Variants in TBL1X observed in about 807,000 individuals in gnomAD.
TBL1X encodes the protein F-box-like/WD repeat-containing protein TBL1X.
A neutral mutation model predicts 50.7 loss-of-function variants in TBL1X; 10 were observed. The ratio of observed to expected loss-of-function variants is 0.20; its 90% CI spans 0.12 to 0.33. TBL1X has a LOEUF of 0.33. Among genes scored for constraint, TBL1X ranks in the 10% least tolerant of loss-of-function variants. TBL1X has a pLI of 1.00. For missense variants in TBL1X, 340 were observed against 504.4 expected (o/e 0.67, Z 3.12); for synonymous variants, 190 against 214.7 (o/e 0.88, Z 1.01).
chrX:9,647,084 C>G (rs1367634420), intron 3 of TBL1X, among the ~76,000 whole-genome samples: 1 of 111,824 alleles, frequency 8.9e-6, no homozygotes, highest in Non-Finnish European at 1.9e-5. Context: ...AGTGCTCTAA[C>G]TACATACTCA....
intron 2 of TBL1X, among the ~76,000 whole-genome samples, chrX:9,505,114 A>G (rs1314477101): frequency 8.9e-6 from 1 of 112,311 alleles, no homozygotes; most frequent in Non-Finnish European, 1.9e-5. Flanking sequence ...TGGACTTCTC[A>G]GCAGAAACTC....
intron 17 of TBL1X, among the ~76,000 whole-genome samples, 182 bp from the exon 18 acceptor site, chrX:9,716,038 C>T: frequency 8.9e-6 from 1 of 112,280 alleles, no homozygotes; most frequent in Non-Finnish European, 1.9e-5. Flanking sequence ...GGTCCGATGT[C>T]CAGATGCCAG....
chrX:9,573,020 T>A (rs2082393653), intron 2 of TBL1X, among the ~76,000 whole-genome samples: 1 of 112,844 alleles, frequency 8.9e-6, no homozygotes, highest in African/African-American at 3.2e-5. Context: ...AACACACAGC[T>A]GCTTTCTGTT....
intron 2 of TBL1X, among the ~76,000 whole-genome samples, chrX:9,556,354 A>G (rs926137834): frequency 1.8e-5 from 2 of 110,424 alleles, no homozygotes; most frequent in Non-Finnish European, 3.8e-5. Flanking sequence ...AACTACACAC[A>G]TTTACTATCT....
chrX:9,642,780 T>C (rs1601812140), intron 3 of TBL1X, among the ~76,000 whole-genome samples: 1 of 112,644 alleles, frequency 8.9e-6, no homozygotes, highest in African/African-American at 3.2e-5. Flanking sequence ...TACTCTGCCA[T>C]TGCAGTGTGA....
In TBL1X at chrX:9,692,985, T is replaced by A. The variant is rs187225431; in HGVS notation, c.892-164T>A. On this transcript the variant is annotated intron_variant, in intron 9 of 17. Transcript: ENST00000645353. ...TGACTGCTTTTTATTTTCTGCAAGGTCTTACGATAGCTTTCAGCATGGTAT... is the reference window on the plus strand; with the variant it reads ...TGACTGCTTTTTATTTTCTGCAAGGACTTACGATAGCTTTCAGCATGGTAT... 1.7e-3 allele frequency among the ~76,000 whole-genome samples: 190 copies of A among 112,343 alleles called. 1 individual carries two copies. The highest frequency in any genetic ancestry group is 5.9e-3 in the African/African-American group (184 of 30,958).
Position 9,717,588 on chromosome X carries a change from A to G in TBL1X, c.*1342A>G, listed in dbSNP as rs1256719261. On this transcript the variant is annotated 3_prime_UTR_variant, in exon 18 of 18. Transcript: ENST00000645353. Reference sequence around the variant, plus strand: ...GAAGAGCCGCGCGCCCTCTGGCCTCAAGGGAGCATTGGCAGAACCATAAGG... The same window carrying G: ...GAAGAGCCGCGCGCCCTCTGGCCTCGAGGGAGCATTGGCAGAACCATAAGG... 1 of 113,145 alleles carries G rather than the reference A, an allele frequency of 8.8e-6. No individual in the cohort carries two copies. The allele number at this position is 113,145 out of a possible 1,213,427, so 9.3% of individuals were successfully genotyped here. A position where few individuals can be genotyped will look rare whatever the true frequency, so the allele number is the denominator to read the frequency against.
chrX:9,658,598 C>T (rs897846093), intron 5 of TBL1X, among the ~76,000 whole-genome samples: 20 of 111,416 alleles, frequency 1.8e-4, no homozygotes, highest in African/African-American at 6.2e-4. Flanking sequence ...GGGACTTCAT[C>T]CCAAAATCCA....
intron 2 of TBL1X, among the ~76,000 whole-genome samples, chrX:9,506,823 A>G (rs965685377): frequency 3.6e-5 from 4 of 112,222 alleles, no homozygotes; most frequent in African/African-American, 1.3e-4. Flanking sequence ...GCCCAGGACC[A>G]AATGGATTCA....
Position 9,552,155 on chromosome X carries a change from A to G in TBL1X, c.-131+50306A>G, listed in dbSNP as rs1419388526. 4.5e-5 allele frequency among the ~76,000 whole-genome samples: 5 copies of G among 111,818 alleles called. No homozygotes were observed. The Admixed American group carries it at 4.7e-4, about 11-fold the overall frequency. On this transcript the variant is annotated intron_variant, in intron 2 of 17. Transcript: ENST00000645353. ...TTGTTTCTCTTGGCTTCAAGATAACATATCTAGTTTGGGTGTTTTGGGATG... is the reference window on the plus strand; with the variant it reads ...TTGTTTCTCTTGGCTTCAAGATAACGTATCTAGTTTGGGTGTTTTGGGATG...
intron 2 of TBL1X, among the ~76,000 whole-genome samples, chrX:9,510,259 C>T (rs953944311): frequency 9.0e-6 from 1 of 111,306 alleles, no homozygotes; most frequent in Non-Finnish European, 1.9e-5. Context: ...AATCCTGGAC[C>T]GTAGGGTAGA....
intron 2 of TBL1X, among the ~76,000 whole-genome samples, chrX:9,510,268 G>C (rs774082101): frequency 8.9e-6 from 1 of 111,781 alleles, no homozygotes; most frequent in South Asian, 3.8e-4. Flanking sequence ...CCGTAGGGTA[G>C]ACAGATTTGA....
At position 9,653,158 on chromosome X, in the gene TBL1X, C is replaced by T. The variant is rs144565806; in HGVS notation, c.-42-387C>T. 8.3e-3 allele frequency among the ~76,000 whole-genome samples: 937 copies of T among 112,878 alleles called. 3 individuals are homozygous for T. The highest frequency in any genetic ancestry group is 0.013 in the Non-Finnish European group (677 of 53,282). ...CCGGCCTGGCAACAGAGCGAGACTC[C>T]GTCTCAAAAGAAAAAAGATGTTTAG... On this transcript the variant is annotated intron_variant, in intron 3 of 17. Coordinates refer to ENST00000645353, the MANE Select transcript of TBL1X (RefSeq NM_005647.4).
chrX:9,509,106 A>G (rs1334211403), intron 2 of TBL1X, among the ~76,000 whole-genome samples: 1 of 108,194 alleles, frequency 9.2e-6, no homozygotes. Flanking sequence ...TTTTAGAAAA[A>G]GCCGGGTGCG....
intron 2 of TBL1X, among the ~76,000 whole-genome samples, chrX:9,543,313 G>A (rs1464930629): frequency 1.8e-5 from 2 of 112,047 alleles, no homozygotes; most frequent in Non-Finnish European, 3.8e-5. Context: ...ATCCGGCCAG[G>A]AATCTCTGTG....
chrX:9,672,007 T>G (rs1283889760), intron 5 of TBL1X, among the ~76,000 whole-genome samples: 1 of 112,518 alleles, frequency 8.9e-6, no homozygotes, highest in African/African-American at 3.2e-5. Flanking sequence ...GCCATTCTTA[T>G]GCTCATTAAT....
chrX:9,471,533 C>T (rs2081814730), intron 1 of TBL1X, among the ~76,000 whole-genome samples: 2 of 111,963 alleles, frequency 1.8e-5, no homozygotes, highest in Admixed American at 9.5e-5. Flanking sequence ...TGTTTATGTC[C>T]GGTGCCTAGA....
At position 9,585,240 on chromosome X, in the gene TBL1X, GT is replaced by G. The variant is rs1162343760; in HGVS notation, c.-130-55031del. Among the ~76,000 whole-genome samples, 4 of 110,600 alleles carry G rather than the reference GT, an allele frequency of 3.6e-5. No individual in the cohort carries two copies. In the East Asian group the frequency reaches 1.1e-3, roughly 32 times the overall value. ...ATTCATTCATCACCAGAGACAGACA[GT>G]TCCCAGGCCAGAATCCGCACCTGGA... On this transcript the variant is annotated intron_variant, in intron 2 of 17. Coordinates refer to ENST00000645353, the MANE Select transcript of TBL1X (RefSeq NM_005647.4).
intron 2 of TBL1X, among the ~76,000 whole-genome samples, chrX:9,584,361 A>C (rs1297150391): frequency 1.8e-5 from 2 of 112,618 alleles, no homozygotes; most frequent in Non-Finnish European, 3.7e-5. Context: ...ACAATAGGAA[A>C]AAAAGCATAA....
Sources: allele counts gnomAD v4.1 joint callset (sites outside exome capture counted in the v4.1 genomes callset), GRCh38; gene constraint gnomAD v4.1.1; transcripts MANE v1.5; gene names NCBI Gene and HGNC (gene_info 2026-07-23, HGNC 2026-07-21).